Variants in ARB2A observed in about 807,000 individuals in gnomAD.
ARB2A encodes cotranscriptional regulator ARB2A.
the ARB2A span, among the ~76,000 whole-genome samples, chr5:93,704,784 C>A: frequency 5.8e-3 from 885 of 152,324 alleles, 8 homozygotes; most frequent in Admixed American, 0.016. Flanking sequence ...ACTGCTAGAA[C>A]CATCAGATCT....
At chr5:93,637,378 C>G in the ARB2A span, among the ~76,000 whole-genome samples, 78 of 51,830 alleles carry the variant, frequency 1.5e-3, no homozygotes, top group African/African-American at 5.0e-3. Flanking sequence ...TTTTTTTTGA[C>G]TATTATGACT....
the ARB2A span, among the ~76,000 whole-genome samples, chr5:93,744,887 A>G: frequency 1.3e-5 from 2 of 152,210 alleles, no homozygotes; most frequent in African/African-American, 2.4e-5. Context: ...CAGAGTAAGG[A>G]TGGAAACACA....
chr5:94,016,374 A>G, the ARB2A span, among the ~76,000 whole-genome samples: 1 of 152,256 alleles, frequency 6.6e-6, no homozygotes, highest in Non-Finnish European at 1.5e-5. Context: ...TGAATACTGT[A>G]GAATAGAGAA....
chr5:93,993,046 G>T, the ARB2A span, among the ~76,000 whole-genome samples: 1 of 151,994 alleles, frequency 6.6e-6, no homozygotes, highest in Admixed American at 6.6e-5. Flanking sequence ...GAAGGCTTAT[G>T]AATTAATGAA....
At chr5:93,807,462 A>T in the ARB2A span, among the ~76,000 whole-genome samples, 3 of 152,008 alleles carry the variant, frequency 2.0e-5, no homozygotes, top group Non-Finnish European at 4.4e-5. Context: ...AATAATGAAT[A>T]GCACCAGGAA....
At chr5:93,994,927 AAAT>A in the ARB2A span, among the ~76,000 whole-genome samples, 1 of 151,720 alleles carries the variant, frequency 6.6e-6, no homozygotes, top group Non-Finnish European at 1.5e-5. Flanking sequence ...ATAAATAAAT[AAAT>A]AAGAAAAAGG....
chr5:93,966,108 T>A, the ARB2A span, among the ~76,000 whole-genome samples: 1 of 152,020 alleles, frequency 6.6e-6, no homozygotes, highest in Admixed American at 6.6e-5. Context: ...ATGTGGAGGT[T>A]CAAACTAAAC....
At chr5:94,043,109 G>A in the ARB2A span, among the ~76,000 whole-genome samples, 25 of 152,136 alleles carry the variant, frequency 1.6e-4, no homozygotes, top group East Asian at 3.5e-3. Flanking sequence ...GTTCTTAAAT[G>A]CAGGTTTCTG....
chr5:93,772,607 C>T, the ARB2A span, among the ~76,000 whole-genome samples: 2 of 152,296 alleles, frequency 1.3e-5, no homozygotes, highest in Admixed American at 6.5e-5. Flanking sequence ...AATCTGAACA[C>T]AGCTGAGTGA....
At chr5:93,997,807 G>T in the ARB2A span, among the ~76,000 whole-genome samples, 1 of 151,946 alleles carries the variant, frequency 6.6e-6, no homozygotes, top group Non-Finnish European at 1.5e-5. Flanking sequence ...ACTTATACTA[G>T]TGTTTGTTAA....
At chr5:93,750,737 C>T in the ARB2A span, among the ~76,000 whole-genome samples, 2 of 151,894 alleles carry the variant, frequency 1.3e-5, no homozygotes, top group African/African-American at 2.4e-5. Context: ...ATGTTGCCCA[C>T]GCTGGTCTCA....
chr5:93,957,290 T>C, the ARB2A span, among the ~76,000 whole-genome samples: 1 of 152,136 alleles, frequency 6.6e-6, no homozygotes, highest in Non-Finnish European at 1.5e-5. Flanking sequence ...CATAACTACA[T>C]AAAATATTTC....
chr5:93,928,543 T>C, the ARB2A span, among the ~76,000 whole-genome samples: 5 of 152,196 alleles, frequency 3.3e-5, no homozygotes, highest in African/African-American at 1.2e-4. Flanking sequence ...ACACAAGTTA[T>C]GTGGCTCCTT....
chr5:94,059,417 G>A, the ARB2A span, among the ~76,000 whole-genome samples: 1 of 151,834 alleles, frequency 6.6e-6, no homozygotes, highest in Non-Finnish European at 1.5e-5. Context: ...GAGGTCAGGG[G>A]TTTGAGACCA....
the ARB2A span, among the ~76,000 whole-genome samples, chr5:93,858,466 C>A: frequency 6.6e-6 from 1 of 152,216 alleles, no homozygotes; most frequent in African/African-American, 2.4e-5. Flanking sequence ...CTCAGGCCTG[C>A]TCACCTCACT....
At chr5:93,900,525 A>G in the ARB2A span, among the ~76,000 whole-genome samples, 114 of 151,906 alleles carry the variant, frequency 7.5e-4, no homozygotes, top group African/African-American at 2.7e-3. Flanking sequence ...GCTTAAAGAG[A>G]ATCGCTTGAA....
the ARB2A span, among the ~76,000 whole-genome samples, chr5:94,004,400 T>C: frequency 6.6e-6 from 1 of 151,836 alleles, no homozygotes; most frequent in African/African-American, 2.4e-5. Flanking sequence ...GCTAACATGG[T>C]GAAACCCCAT....
At chr5:93,910,321 A>G in the ARB2A span, among the ~76,000 whole-genome samples, 1 of 151,136 alleles carries the variant, frequency 6.6e-6, no homozygotes, top group Non-Finnish European at 1.5e-5. Flanking sequence ...CACATCTGAT[A>G]CAAAAGAATA....
At chr5:93,991,434 T>C in the ARB2A span, among the ~76,000 whole-genome samples, 1 of 152,002 alleles carries the variant, frequency 6.6e-6, no homozygotes, top group Non-Finnish European at 1.5e-5. Context: ...GAAAACGTGA[T>C]TCATAACCAG....
Sources: gnomAD v4.1 joint callset for allele counts (sites outside exome capture counted in the v4.1 genomes callset) on GRCh38, gnomAD v4.1.1 for gene constraint, MANE v1.5 for transcripts, NCBI Gene and HGNC (gene_info 2026-07-23, HGNC 2026-07-21) for gene names.